The following SPTBN1 variants were observed in gnomAD, a reference collection of about 807,000 sequenced individuals.
SPTBN1 encodes the protein spectrin beta, non-erythrocytic 1, also known as spectrin beta chain, non-erythrocytic 1.
Under a neutral mutation model 266.4 loss-of-function variants are expected in SPTBN1, and 32 were observed. The observed-to-expected ratio is 0.12, with a 90% CI of 0.09 to 0.16. The LOEUF is 0.16. SPTBN1 is among the 10% of genes least tolerant of loss of function. The pLI, the probability that SPTBN1 is intolerant of heterozygous loss-of-function variation, is 1.00. For missense variants in SPTBN1, 2,296 were observed against 3,067.1 expected, an observed-to-expected ratio of 0.75 and a Z score of 5.94; for synonymous variants, 1,336 against 1,162.2, an observed-to-expected ratio of 1.15 and a Z score of -3.04.
At chr2:54,501,418 T>C (rs1435982832) in intron 1 of SPTBN1, among the ~76,000 whole-genome samples, 1 of 152,272 alleles carries the variant, frequency 6.6e-6, no homozygotes, top group Non-Finnish European at 1.5e-5. Flanking sequence ...TGGTCACTTC[T>C]GCATATTGTA....
rs186435152 is a variant in SPTBN1 at position 54,662,071 on chromosome 2, C to T, written c.6420+2072C>T. 2.5e-5 allele frequency: 25 copies of T among 985,374 alleles called. No individual in the cohort carries two copies. In the Admixed American group the frequency reaches 9.8e-4, roughly 39 times the overall value. The allele number at this position is 985,374 out of a possible 1,614,324, so 61.0% of individuals were successfully genotyped here. A position where few individuals can be genotyped will look rare whatever the true frequency, so the allele number is the denominator to read the frequency against. The stretch of plus-strand genomic sequence containing the variant: ...GTGTTTTCTGTGCTACTAGTTGTCA[C>T]GTTGCATTCATGTTCACCTCCTGAT... On this transcript the variant is annotated intron_variant, in intron 32 of 35. Transcript: ENST00000356805.
intron 2 of SPTBN1, among the ~76,000 whole-genome samples, chr2:54,581,262 A>G (rs966279500): frequency 6.6e-6 from 1 of 152,208 alleles, no homozygotes; most frequent in African/African-American, 2.4e-5. Context: ...TGGACAACAA[A>G]GGGGTTGTGC....
intron 2 of SPTBN1, among the ~76,000 whole-genome samples, chr2:54,555,974 T>C (rs1233817817): frequency 1.3e-5 from 2 of 152,264 alleles, no homozygotes; most frequent in Non-Finnish European, 2.9e-5. Context: ...CTATATTCTT[T>C]TGGTACTTTA....
intron 34 of SPTBN1, 139 bp from the exon 35 acceptor site, chr2:54,667,465 C>G: frequency 1.4e-6 from 1 of 712,830 alleles, no homozygotes; most frequent in East Asian, 2.7e-5. Flanking sequence ...GGTCCCCAGG[C>G]TTGGTGGTGA....
intron 1 of SPTBN1, among the ~76,000 whole-genome samples, chr2:54,468,315 TAAAATAAA>T (rs537423951): frequency 0.022 from 3,074 of 140,910 alleles, 43 homozygotes; most frequent in Middle Eastern, 0.095. Flanking sequence ...TCAAAAAAAA[TAAAATAAA>T]AAAATAAAAA....
intron 2 of SPTBN1, among the ~76,000 whole-genome samples, chr2:54,564,534 G>A (rs1673543165): frequency 6.6e-6 from 1 of 152,164 alleles, no homozygotes; most frequent in South Asian, 2.1e-4. Flanking sequence ...CATCTTTGCT[G>A]GGATTTGACT....
chr2:54,573,822 A>C (rs557429626), intron 2 of SPTBN1, among the ~76,000 whole-genome samples: 3 of 152,274 alleles, frequency 2.0e-5, no homozygotes, highest in Non-Finnish European at 2.9e-5. Flanking sequence ...CTCTGCCCTC[A>C]GGAAGCTCAC....
At chr2:54,478,011 C>G (rs773098941) in intron 1 of SPTBN1, among the ~76,000 whole-genome samples, 4 of 152,104 alleles carry the variant, frequency 2.6e-5, no homozygotes, top group African/African-American at 7.2e-5. Flanking sequence ...CCAGTCTTAT[C>G]CTTTTTGTTG....
At chr2:54,521,019 T>G (rs1670404611) in intron 1 of SPTBN1, among the ~76,000 whole-genome samples, 1 of 152,142 alleles carries the variant, frequency 6.6e-6, no homozygotes, top group Non-Finnish European at 1.5e-5. Context: ...CACAGCTATT[T>G]AAGAAGTACA....
At chr2:54,500,803 G>C (rs1224306783) in intron 1 of SPTBN1, among the ~76,000 whole-genome samples, 3 of 152,210 alleles carry the variant, frequency 2.0e-5, no homozygotes, top group Non-Finnish European at 1.5e-5. Flanking sequence ...TTCCCAAAGT[G>C]TTGGGATTAT....
chr2:54,541,028 A>G (rs951493396), intron 2 of SPTBN1, among the ~76,000 whole-genome samples: 1 of 152,238 alleles, frequency 6.6e-6, no homozygotes, highest in Non-Finnish European at 1.5e-5. Flanking sequence ...AAAACAATCT[A>G]GTAACTTCCT....
intron 1 of SPTBN1, among the ~76,000 whole-genome samples, chr2:54,488,070 C>A (rs932225778): frequency 6.6e-6 from 1 of 151,802 alleles, no homozygotes; most frequent in Admixed American, 6.6e-5. Context: ...ACCTCATGAT[C>A]CGCCCACCTC....
At chr2:54,504,213 GT>G (rs1669433015) in intron 1 of SPTBN1, among the ~76,000 whole-genome samples, 1 of 152,184 alleles carries the variant, frequency 6.6e-6, no homozygotes, top group African/African-American at 2.4e-5. Flanking sequence ...AGGCAGAGAG[GT>G]TTGTGTAAAC....
At chr2:54,483,909 T>C (rs1463021372) in intron 1 of SPTBN1, among the ~76,000 whole-genome samples, 1 of 152,130 alleles carries the variant, frequency 6.6e-6, no homozygotes, top group Non-Finnish European at 1.5e-5. Flanking sequence ...AATATCTGTA[T>C]TGGGGCTGGG....
At chr2:54,469,170 A>G (rs1573211772) in intron 1 of SPTBN1, among the ~76,000 whole-genome samples, 1 of 152,200 alleles carries the variant, frequency 6.6e-6, no homozygotes, top group Non-Finnish European at 1.5e-5. Context: ...TGTTGCCTTT[A>G]ACTCTAGTAT....
In SPTBN1 at chr2:54,659,279, A is replaced by G; in HGVS notation, c.6356+13A>G. On this transcript the variant is annotated intron_variant, in intron 31 of 35. Transcript: ENST00000356805. ...CCCAGCAGCAGTGGTGAGTCCCAGC[A>G]GCTCCAGAGGCTGGACCCTTAGCCT... is the stretch of plus-strand genomic sequence containing the variant. 1 of 1,612,698 alleles carries G rather than the reference A, an allele frequency of 6.2e-7. No individual in the cohort carries two copies. The highest frequency in any genetic ancestry group is 8.5e-7 in the Non-Finnish European group (1 of 1,178,798).
intron 4 of SPTBN1, among the ~76,000 whole-genome samples, chr2:54,614,568 C>G (rs1270339612): frequency 6.6e-6 from 1 of 152,002 alleles, no homozygotes; most frequent in African/African-American, 2.4e-5. Context: ...TTTGGGAGGC[C>G]AAGGTGGGTG....
chr2:54,555,027 A>T (rs927189476), intron 2 of SPTBN1, among the ~76,000 whole-genome samples: 5 of 152,002 alleles, frequency 3.3e-5, no homozygotes, highest in African/African-American at 1.2e-4. Context: ...CTTTTCTCTA[A>T]GTTTTATTTT....
Position 54,646,608 on chromosome 2 carries a change from C to A in SPTBN1, c.4866+133C>A, listed in dbSNP as rs1208790575. ...TTGAGTGTTAAGGGGACACCATGTG[C>A]ATGAAGGTGTCTGAAATCCAGCTGC... On this transcript the variant is annotated intron_variant, in intron 23 of 35. Transcript: ENST00000356805. The surrounding 1 kb of genome is among the most constrained non-coding windows in gnomAD (Gnocchi z 4.4). 3 of 1,034,242 alleles carry A rather than the reference C, an allele frequency of 2.9e-6. No individual in the cohort carries two copies. Among genetic ancestry groups the A allele is most frequent in the African/African-American group, 1.6e-5 (1 of 61,350 alleles). 64.1% of individuals were successfully genotyped at this position (1,034,242 alleles called of 1,614,324 possible). A position where few individuals can be genotyped will look rare whatever the true frequency, so the allele number is the denominator to read the frequency against.
Sources: gnomAD v4.1 joint callset for allele counts (sites outside exome capture counted in the v4.1 genomes callset) on GRCh38, gnomAD v4.1.1 for gene constraint, Gnocchi (gnomAD v3.1) non-coding constraint, MANE v1.5 for transcripts, NCBI Gene and HGNC (gene_info 2026-07-23, HGNC 2026-07-21) for gene names.